Variants in VRK2 observed in about 807,000 individuals in gnomAD.
The protein encoded by VRK2 is VRK serine/threonine kinase 2, also known as serine/threonine-protein kinase VRK2.
Under a neutral mutation model 57.6 loss-of-function variants are expected in VRK2, and 60 were observed. The ratio of observed to expected loss-of-function variants is 1.04; its 90% confidence interval spans 0.85 to 1.29. VRK2 has a LOEUF of 1.29. VRK2 is among the 50% of genes most tolerant of loss of function. The probability of loss-of-function intolerance (pLI) is 0.00; values close to 1 mark genes in which losing one functional copy is unlikely to be tolerated. For synonymous variants in VRK2, 231 were observed against 199.2 expected, an observed-to-expected ratio of 1.16 and a Z score of -1.35; for missense variants, 705 against 588.1, an observed-to-expected ratio of 1.20 and a Z score of -2.06.
chr2:57,926,059 A>T (rs1670521767), intron 1 of VRK2, among the ~76,000 whole-genome samples: 1 of 151,852 alleles, frequency 6.6e-6, no homozygotes, highest in Admixed American at 6.6e-5. Flanking sequence ...CTTGATACTG[A>T]TTTTTAGTTT....
intron 1 of VRK2, among the ~76,000 whole-genome samples, chr2:57,991,890 G>A (rs1314604626): frequency 6.6e-6 from 1 of 151,404 alleles, no homozygotes; most frequent in Non-Finnish European, 1.5e-5. Flanking sequence ...CTCGGGAGGC[G>A]GAGGTTGCAG....
intron 5 of VRK2, 34 bp from the exon 6 acceptor site, chr2:58,088,307 A>T: frequency 1.4e-6 from 2 of 1,446,842 alleles, no homozygotes; most frequent in Non-Finnish European, 1.9e-6. Context: ...TTACTTTCTC[A>T]GGATGATCTC....
intron 2 of VRK2, among the ~76,000 whole-genome samples, chr2:58,060,946 A>G (rs1435863517): frequency 6.6e-6 from 1 of 151,954 alleles, no homozygotes; most frequent in African/African-American, 2.4e-5. Context: ...AGGTCTTAGT[A>G]AACCTGAAAT....
chr2:58,132,069 A>T lies in VRK2; in HGVS notation c.797+141A>T, dbSNP rs920594532. The T allele has an allele frequency of 8.0e-5, 82 of 1,030,542 alleles. No homozygotes were observed. In the Admixed American group the frequency reaches 1.4e-3, roughly 17 times the overall value. The allele number at this position is 1,030,542 out of a possible 1,614,324, so 63.8% of individuals were successfully genotyped here. A position where few individuals can be genotyped will look rare whatever the true frequency, so the allele number is the denominator to read the frequency against. On this transcript the variant is annotated intron_variant, in intron 9 of 12. Coordinates refer to ENST00000340157, the MANE Select transcript of VRK2 (RefSeq NM_006296.7). Reference sequence around the variant, plus strand: ...TTCTTTAGTTTGAAAAATATGTTTTAAAAAAACCAAACAACTAACACATAA... The same window carrying T: ...TTCTTTAGTTTGAAAAATATGTTTTTAAAAAACCAAACAACTAACACATAA...
At chr2:57,951,378 G>C (rs6759245) in intron 1 of VRK2, among the ~76,000 whole-genome samples, 347 of 152,284 alleles carry the variant, frequency 2.3e-3, no homozygotes, top group African/African-American at 7.9e-3. Context: ...GGTTTCCTGA[G>C]ATAGTATCTA....
At chr2:58,079,956 C>T (rs1670629804) in intron 2 of VRK2, among the ~76,000 whole-genome samples, 1 of 151,814 alleles carries the variant, frequency 6.6e-6, no homozygotes, top group Admixed American at 6.6e-5. Context: ...TTTTAGTTTT[C>T]TTAAAATCAA....
intron 2 of VRK2, among the ~76,000 whole-genome samples, chr2:58,026,235 T>A (rs115780283): frequency 2.5e-3 from 385 of 152,202 alleles, no homozygotes; most frequent in Non-Finnish European, 4.0e-3. Context: ...CTTATTGGAA[T>A]GTCTGTTACC....
At chr2:58,054,285 G>A (rs555100118) in intron 2 of VRK2, among the ~76,000 whole-genome samples, 2 of 151,564 alleles carry the variant, frequency 1.3e-5, no homozygotes, top group African/African-American at 4.8e-5. Flanking sequence ...AAATTCTTTT[G>A]CCTTAAGGGA....
intron 1 of VRK2, among the ~76,000 whole-genome samples, chr2:58,020,879 T>C (rs1673733748): frequency 6.6e-6 from 1 of 152,246 alleles, no homozygotes. Flanking sequence ...TAGCACATGT[T>C]CTTAACCTTT....
chr2:58,131,969 C>A, intron 9 of VRK2, 41 bp downstream of exon 9: 1 of 1,610,552 alleles, frequency 6.2e-7, no homozygotes, highest in South Asian at 1.1e-5. Flanking sequence ...TGCACCAGGT[C>A]TGAAGGGATA....
intron 7 of VRK2, among the ~76,000 whole-genome samples, chr2:58,118,798 G>A (rs1676942395): frequency 6.6e-6 from 1 of 152,188 alleles, no homozygotes; most frequent in South Asian, 2.1e-4. Context: ...CGAAAAGAGA[G>A]TCAGCGAAGG....
chr2:58,077,396 GA>G (rs776695750), intron 2 of VRK2, among the ~76,000 whole-genome samples: 20 of 151,876 alleles, frequency 1.3e-4, no homozygotes, highest in Non-Finnish European at 2.9e-4. Flanking sequence ...CTAATTGATT[GA>G]CCAGTCTTAT....
chr2:57,953,177 C>T (rs1671480373), intron 1 of VRK2, among the ~76,000 whole-genome samples: 1 of 152,136 alleles, frequency 6.6e-6, no homozygotes, highest in Non-Finnish European at 1.5e-5. Flanking sequence ...ATTTACTTTC[C>T]CATCTCTGTT....
At chr2:58,021,889 G>A (rs530722393) in intron 1 of VRK2, among the ~76,000 whole-genome samples, 2 of 152,212 alleles carry the variant, frequency 1.3e-5, no homozygotes, top group East Asian at 1.9e-4. Flanking sequence ...TTTAAACACT[G>A]TTTCTTCCTT....
chr2:58,159,185 T>C, intron 12 of VRK2, 164 bp from the exon 13 acceptor site: 4 of 550,888 alleles, frequency 7.3e-6, no homozygotes, highest in Middle Eastern at 4.9e-4. Flanking sequence ...TTAAAAAGTG[T>C]AAATCTTTAA....
chr2:57,912,228 G>A (rs1003118134), intron 1 of VRK2, among the ~76,000 whole-genome samples: 1 of 152,168 alleles, frequency 6.6e-6, no homozygotes, highest in Non-Finnish European at 1.5e-5. Flanking sequence ...GAAAAATCCT[G>A]CAATTTTGGT....
intron 9 of VRK2, among the ~76,000 whole-genome samples, chr2:58,134,534 C>T (rs909951932): frequency 2.7e-5 from 4 of 149,716 alleles, no homozygotes; most frequent in Non-Finnish European, 4.4e-5. Flanking sequence ...TGGCGTGAAC[C>T]CGGGAAGCGG....
chr2:57,979,571 G>A (rs766486045), intron 1 of VRK2, among the ~76,000 whole-genome samples: 8 of 151,732 alleles, frequency 5.3e-5, no homozygotes, highest in Non-Finnish European at 1.0e-4. Context: ...TTAAGGAGGA[G>A]TCCCTCCTCC....
intron 1 of VRK2, among the ~76,000 whole-genome samples, chr2:57,949,676 A>T (rs1671366768): frequency 6.6e-6 from 1 of 152,208 alleles, no homozygotes; most frequent in Non-Finnish European, 1.5e-5. Context: ...TAAGCATTCA[A>T]GTGAAAGGAA....
Sources: allele counts gnomAD v4.1 joint callset (sites outside exome capture counted in the v4.1 genomes callset), GRCh38; gene constraint gnomAD v4.1.1; transcripts MANE v1.5; gene names NCBI Gene and HGNC (gene_info 2026-07-23, HGNC 2026-07-21).